The following CAMTA1 variants were observed in gnomAD, a reference collection of about 807,000 sequenced individuals.
CAMTA1 encodes the protein calmodulin-binding transcription activator 1.
In CAMTA1, 27 loss-of-function variants were observed where a neutral mutation model predicts 170.9. That is an observed-to-expected ratio of 0.16 (90% CI 0.12 to 0.22). The LOEUF is 0.22. Ranked by LOEUF, CAMTA1 falls within the 10% of genes least tolerant of loss-of-function variation. CAMTA1 has a pLI of 1.00. For synonymous variants in CAMTA1, 833 were observed against 891.5 expected (o/e 0.93, Z 1.17); for missense variants, 1,619 against 2,217.2 (o/e 0.73, Z 5.42).
chr1:6,866,257 T>A (rs898478080), intron 3 of CAMTA1, among the ~76,000 whole-genome samples: 6 of 152,192 alleles, frequency 3.9e-5, no homozygotes, highest in African/African-American at 1.4e-4. Context: ...CTCTTAGGGG[T>A]AGGACTTAGA....
intron 5 of CAMTA1, among the ~76,000 whole-genome samples, chr1:7,371,807 G>A (rs2086494209): frequency 6.6e-6 from 1 of 152,202 alleles, no homozygotes; most frequent in Non-Finnish European, 1.5e-5. Flanking sequence ...TGGTTCAGTG[G>A]TTCTCCACTG....
intron 19 of CAMTA1, among the ~76,000 whole-genome samples, chr1:7,749,194 G>A (rs1283317897): frequency 3.3e-5 from 5 of 152,182 alleles, no homozygotes; most frequent in Admixed American, 6.5e-5. Context: ...TCTAATATGT[G>A]TAATGGTCAC....
intron 11 of CAMTA1, among the ~76,000 whole-genome samples, chr1:7,718,869 T>TTTTA (rs1558212387): frequency 6.8e-6 from 1 of 147,746 alleles, no homozygotes; most frequent in Non-Finnish European, 1.5e-5. Context: ...TTTTTTTTTT[T>TTTTA]AAAGACCTCA....
At chr1:7,111,898 A>T (rs560970648) in intron 4 of CAMTA1, among the ~76,000 whole-genome samples, 20,069 of 147,342 alleles carry the variant, frequency 0.14, 1,896 homozygotes, top group African/African-American at 0.24. Flanking sequence ...AAAAAAAAAA[A>T]AAAAAAAAAA....
At chr1:7,531,781 C>T (rs960484086) in intron 6 of CAMTA1, among the ~76,000 whole-genome samples, 2 of 152,228 alleles carry the variant, frequency 1.3e-5, no homozygotes, top group Non-Finnish European at 2.9e-5. Flanking sequence ...CCTTCCATGC[C>T]GTGCCTGTGG....
chr1:6,908,348 C>G (rs909581763), intron 3 of CAMTA1, among the ~76,000 whole-genome samples: 2 of 152,214 alleles, frequency 1.3e-5, no homozygotes, highest in African/African-American at 4.8e-5. Context: ...CTTGTTTCTC[C>G]ACCATGCCCT....
intron 4 of CAMTA1, among the ~76,000 whole-genome samples, chr1:7,118,318 G>C (rs966534890): frequency 2.1e-5 from 3 of 145,924 alleles, no homozygotes; most frequent in Non-Finnish European, 4.5e-5. Context: ...TTTGAGACAG[G>C]GTCTTGCTCT....
At chr1:7,518,267 C>T (rs2094313504) in intron 6 of CAMTA1, among the ~76,000 whole-genome samples, 1 of 151,922 alleles carries the variant, frequency 6.6e-6, no homozygotes, top group African/African-American at 2.4e-5. Context: ...TCTAGAAGCC[C>T]CTCCCGGAGG....
At chr1:7,389,966 C>T (rs892733479) in intron 5 of CAMTA1, among the ~76,000 whole-genome samples, 3 of 152,174 alleles carry the variant, frequency 2.0e-5, no homozygotes. Context: ...TTGTGTCCCC[C>T]GCCTTCCATT....
At chr1:7,020,837 C>G (rs79184684) in intron 3 of CAMTA1, among the ~76,000 whole-genome samples, 1 of 152,300 alleles carries the variant, frequency 6.6e-6, no homozygotes, top group East Asian at 1.9e-4. Flanking sequence ...CTGGAGGGAC[C>G]GGAGCTGGGG....
At chr1:7,295,976 C>A (rs1673875050) in intron 5 of CAMTA1, among the ~76,000 whole-genome samples, 1 of 152,214 alleles carries the variant, frequency 6.6e-6, no homozygotes, top group Non-Finnish European at 1.5e-5. Context: ...CTGGCCAGGG[C>A]CGTGGTCATT....
intron 11 of CAMTA1, among the ~76,000 whole-genome samples, chr1:7,701,993 TC>T (rs1246085094): frequency 6.6e-6 from 1 of 152,108 alleles, no homozygotes; most frequent in East Asian, 1.9e-4. Context: ...AGCACCCAGC[TC>T]ATCCCACCCT....
intron 4 of CAMTA1, among the ~76,000 whole-genome samples, chr1:7,163,356 G>A (rs967724898): frequency 7.9e-5 from 12 of 151,360 alleles, no homozygotes; most frequent in Non-Finnish European, 1.8e-4. Flanking sequence ...GGGTGGGTGG[G>A]TCATCATATG....
At chr1:7,610,210 G>A (rs953562530) in intron 6 of CAMTA1, among the ~76,000 whole-genome samples, 1 of 152,216 alleles carries the variant, frequency 6.6e-6, no homozygotes, top group Non-Finnish European at 1.5e-5. Flanking sequence ...TACACAGCCT[G>A]TTCAGCACAT....
intron 6 of CAMTA1, among the ~76,000 whole-genome samples, chr1:7,544,865 T>C (rs1216313964): frequency 6.6e-6 from 1 of 152,156 alleles, no homozygotes; most frequent in Admixed American, 6.5e-5. Context: ...AACAACTCGC[T>C]TTCTCCGGAG....
intron 5 of CAMTA1, among the ~76,000 whole-genome samples, chr1:7,329,081 C>T (rs1238917110): frequency 6.6e-6 from 1 of 152,114 alleles, no homozygotes; most frequent in Admixed American, 6.5e-5. Context: ...CTTAATGCAT[C>T]TTCATCCTTC....
chr1:7,027,099 A>T (rs1702126053), intron 3 of CAMTA1, among the ~76,000 whole-genome samples: 1 of 152,132 alleles, frequency 6.6e-6, no homozygotes, highest in Non-Finnish European at 1.5e-5. Context: ...TCTGTGCTTC[A>T]GGGCTCCTCC....
intron 3 of CAMTA1, among the ~76,000 whole-genome samples, chr1:6,893,273 A>G (rs1317925396): frequency 1.3e-5 from 2 of 152,150 alleles, no homozygotes; most frequent in African/African-American, 2.4e-5. Flanking sequence ...GGAAAAAAAG[A>G]AAAGAAGAAA....
At chr1:7,242,255 C>T (rs771128254) in intron 4 of CAMTA1, among the ~76,000 whole-genome samples, 2 of 152,192 alleles carry the variant, frequency 1.3e-5, no homozygotes, top group African/African-American at 4.8e-5. Flanking sequence ...CACTAGGATG[C>T]CTATAATCCA....
Sources: allele counts gnomAD v4.1 joint callset (sites outside exome capture counted in the v4.1 genomes callset), GRCh38; gene constraint gnomAD v4.1.1; transcripts MANE v1.5; gene names NCBI Gene and HGNC (gene_info 2026-07-23, HGNC 2026-07-21).